The following SPON1 variants were observed in gnomAD, a reference collection of about 807,000 sequenced individuals.
The protein encoded by SPON1 is spondin-1.
Under a neutral mutation model 111.7 loss-of-function variants are expected in SPON1, and 52 were observed. The observed-to-expected ratio is 0.47, with a 90% CI of 0.37 to 0.59. The LOEUF is 0.59. Ranked by LOEUF, SPON1 falls within the 20% of genes least tolerant of loss-of-function variation. The probability of loss-of-function intolerance (pLI) is 0.00; values close to 1 mark genes in which losing one functional copy is unlikely to be tolerated. For synonymous variants in SPON1, 410 were observed against 395.8 expected, an observed-to-expected ratio of 1.04 and a Z score of -0.43; for missense variants, 957 against 1,068.5, an observed-to-expected ratio of 0.90 and a Z score of 1.46.
intron 6 of SPON1, among the ~76,000 whole-genome samples, chr11:14,163,872 C>T (rs1847997263): frequency 6.6e-6 from 1 of 151,932 alleles, no homozygotes; most frequent in South Asian, 2.1e-4. Context: ...CTGGTTACCC[C>T]CACACCCATA....
At chr11:14,124,614 G>T (rs2133855477) in intron 5 of SPON1, among the ~76,000 whole-genome samples, 1 of 152,240 alleles carries the variant, frequency 6.6e-6, no homozygotes, top group South Asian at 2.1e-4. Context: ...TTGTATGAAG[G>T]GCCAAACAGT....
In SPON1 at chr11:14,259,069, A is replaced by C; in HGVS notation, c.1493-211A>C. ...CTTTCGAATGTATTTTCATGAGATA[A>C]AGAGTAATTCTGAGTGTCCCATGCA... On this transcript the variant is annotated intron_variant, in intron 11 of 15. Transcript: ENST00000576479. This position sits in a 1 kb window ranked among gnomAD's most constrained non-coding sequence, Gnocchi z 5.0. 6.6e-6 allele frequency among the ~76,000 whole-genome samples: 1 copy of C among 152,232 alleles called. No homozygotes were observed. Among genetic ancestry groups the C allele is most frequent in the Non-Finnish European group, 1.5e-5 (1 of 68,042 alleles).
intron 6 of SPON1, among the ~76,000 whole-genome samples, chr11:14,226,986 C>G (rs1848747519): frequency 6.6e-6 from 1 of 152,144 alleles, no homozygotes; most frequent in South Asian, 2.1e-4. Flanking sequence ...CTTGTAAAGA[C>G]ACTTATATTT....
At chr11:14,038,176 TAAATA>T (rs1288287670) in intron 2 of SPON1, among the ~76,000 whole-genome samples, 8 of 136,752 alleles carry the variant, frequency 5.9e-5, no homozygotes, top group Non-Finnish European at 1.3e-4. Context: ...AAAAAATAAA[TAAATA>T]ACGACTGGGC....
intron 6 of SPON1, among the ~76,000 whole-genome samples, chr11:14,202,258 C>T (rs1165993486): frequency 6.6e-6 from 1 of 152,164 alleles, no homozygotes; most frequent in Non-Finnish European, 1.5e-5. Flanking sequence ...TGAATGAAGG[C>T]TTGCTGTGTT....
intron 6 of SPON1, among the ~76,000 whole-genome samples, chr11:14,242,859 G>A (rs1429384216): frequency 3.3e-5 from 5 of 152,330 alleles, no homozygotes; most frequent in East Asian, 1.9e-4. Context: ...CTGATCCAGC[G>A]CATGGGTCTC....
intron 2 of SPON1, among the ~76,000 whole-genome samples, chr11:14,000,062 C>T (rs1306449634): frequency 3.9e-5 from 6 of 152,188 alleles, no homozygotes; most frequent in African/African-American, 1.4e-4. Context: ...AATTATTCAA[C>T]ATGGTTCATC....
At chr11:14,160,329 C>T (rs1265209848) in intron 6 of SPON1, among the ~76,000 whole-genome samples, 2 of 133,394 alleles carry the variant, frequency 1.5e-5, no homozygotes, top group Non-Finnish European at 3.1e-5. Context: ...TATACCTAAG[C>T]TACTGAACAT....
intron 5 of SPON1, among the ~76,000 whole-genome samples, chr11:14,103,118 G>A (rs1554924554): frequency 6.6e-6 from 1 of 152,140 alleles, no homozygotes; most frequent in African/African-American, 2.4e-5. Flanking sequence ...ATAAGGAAAA[G>A]GAAGGAGACG....
chr11:14,239,649 C>G (rs782345705), intron 6 of SPON1, among the ~76,000 whole-genome samples: 5 of 152,108 alleles, frequency 3.3e-5, no homozygotes, highest in African/African-American at 1.2e-4. Context: ...TGCTTGAGCC[C>G]GGGAGGCTGA....
At chr11:14,256,499 G>T (rs1554941223) in intron 9 of SPON1, 118 bp from the exon 10 acceptor site, 4 of 649,130 alleles carry the variant, frequency 6.2e-6, no homozygotes, top group South Asian at 4.4e-5. Flanking sequence ...CCAGAACTTT[G>T]CCATGGCATA....
intron 6 of SPON1, among the ~76,000 whole-genome samples, chr11:14,171,253 T>A (rs1449906132): frequency 2.0e-5 from 3 of 152,216 alleles, no homozygotes; most frequent in African/African-American, 7.2e-5. Context: ...ATTTATCCAT[T>A]TCTTCTAGAT....
chr11:14,101,785 C>G (rs1849146034), intron 5 of SPON1, among the ~76,000 whole-genome samples: 1 of 152,214 alleles, frequency 6.6e-6, no homozygotes, highest in Admixed American at 6.5e-5. Context: ...TTAGTGCCAA[C>G]CATCCTGCTT....
intron 2 of SPON1, 122 bp downstream of exon 2, chr11:13,983,075 G>T: frequency 1.5e-6 from 1 of 651,506 alleles, no homozygotes; most frequent in Non-Finnish European, 2.7e-6. Flanking sequence ...ACGGGGGCAG[G>T]TCCATTTGAA....
chr11:14,178,779 C>T (rs1554933401), intron 6 of SPON1, among the ~76,000 whole-genome samples: 1 of 150,548 alleles, frequency 6.6e-6, no homozygotes, highest in Non-Finnish European at 1.5e-5. Flanking sequence ...AATTACACAT[C>T]CCTCATTTAT....
chr11:13,965,081 G>A (rs1478409215), intron 1 of SPON1, among the ~76,000 whole-genome samples: 2 of 152,026 alleles, frequency 1.3e-5, no homozygotes, highest in East Asian at 3.9e-4. Context: ...TTCCTAATAA[G>A]CCTAACAGTT....
intron 5 of SPON1, among the ~76,000 whole-genome samples, chr11:14,107,165 A>G (rs782559678): frequency 1.3e-5 from 2 of 152,182 alleles, no homozygotes; most frequent in Non-Finnish European, 2.9e-5. Flanking sequence ...AAATGGGGCT[A>G]AGAGGCTTTC....
chr11:14,058,457 G>C (rs924788447), intron 3 of SPON1, among the ~76,000 whole-genome samples: 6 of 152,194 alleles, frequency 3.9e-5, no homozygotes, highest in Admixed American at 1.3e-4. Flanking sequence ...TCCTGGTTGA[G>C]GGTGGTGAGG....
At chr11:13,984,115 A>G (rs181469917) in intron 2 of SPON1, among the ~76,000 whole-genome samples, 2 of 152,288 alleles carry the variant, frequency 1.3e-5, no homozygotes, top group East Asian at 3.9e-4. Context: ...GCAACAGCCA[A>G]TATTTGTTGG....
Sources: gnomAD v4.1 joint callset for allele counts (sites outside exome capture counted in the v4.1 genomes callset) on GRCh38, gnomAD v4.1.1 for gene constraint, Gnocchi (gnomAD v3.1) non-coding constraint, MANE v1.5 for transcripts, NCBI Gene and HGNC (gene_info 2026-07-23, HGNC 2026-07-21) for gene names.